The following LUC7L2 variants were observed in gnomAD, a reference collection of about 807,000 sequenced individuals.
The protein encoded by LUC7L2 is putative RNA-binding protein Luc7-like 2.
In LUC7L2, 25 loss-of-function variants were observed where a neutral mutation model predicts 52.8. That is an observed-to-expected ratio of 0.47 (90% CI 0.34 to 0.66). The LOEUF (loss-of-function observed/expected upper bound fraction) is 0.66. Ranked by LOEUF, LUC7L2 falls within the 30% of genes least tolerant of loss-of-function variation. The pLI is 0.01. For synonymous variants in LUC7L2, 144 were observed against 160.9 expected (o/e 0.89, Z 0.80); for missense variants, 328 against 497.8 (o/e 0.66, Z 3.25).
At chr7:139,367,226 C>T (rs925404202) in intron 1 of LUC7L2, among the ~76,000 whole-genome samples, 3 of 152,166 alleles carry the variant, frequency 2.0e-5, no homozygotes, top group African/African-American at 7.2e-5. Flanking sequence ...CCTGCCTTGG[C>T]CTCCCAAAGT....
At chr7:139,341,206 C>A in intron 1 of LUC7L2, 1 of 1,140,798 alleles carries the variant, frequency 8.8e-7, no homozygotes, top group Non-Finnish European at 1.2e-6. Context: ...TGTTACGGCG[C>A]CCCTGGGCCT....
At chr7:139,362,131 T>C (rs915782604) in intron 1 of LUC7L2, among the ~76,000 whole-genome samples, 1 of 152,080 alleles carries the variant, frequency 6.6e-6, no homozygotes, top group Non-Finnish European at 1.5e-5. Flanking sequence ...CCTTCAGACT[T>C]AGAGGATTTA....
intron 2 of LUC7L2, among the ~76,000 whole-genome samples, chr7:139,388,331 T>C (rs541658685): frequency 1.3e-5 from 2 of 152,152 alleles, no homozygotes; most frequent in Admixed American, 6.6e-5. Flanking sequence ...TAGAAAAATA[T>C]CATGATTTAT....
chr7:139,376,841 C>A (rs1489760869), intron 2 of LUC7L2, among the ~76,000 whole-genome samples: 1 of 152,188 alleles, frequency 6.6e-6, no homozygotes, highest in Non-Finnish European at 1.5e-5. Context: ...CTAGTAGGGG[C>A]TAAACCTCGA....
At chr7:139,402,348 C>T in intron 4 of LUC7L2, 101 bp downstream of exon 4, 1 of 1,159,564 alleles carries the variant, frequency 8.6e-7, no homozygotes, top group South Asian at 1.8e-5. Flanking sequence ...ATTGCAAAGA[C>T]ATATACAAGG....
chr7:139,367,764 A>T (rs10229249), intron 1 of LUC7L2, among the ~76,000 whole-genome samples: 58,525 of 152,088 alleles, frequency 0.38, 15,743 homozygotes, highest in African/African-American at 0.77. Context: ...GAGGTCCATC[A>T]AGACCTCCAG....
At chr7:139,417,859 A>G (rs1795695565) in intron 9 of LUC7L2, 130 bp downstream of exon 9, 5 of 1,257,270 alleles carry the variant, frequency 4.0e-6, no homozygotes, top group Non-Finnish European at 5.3e-6. Context: ...ATATGTACAC[A>G]TTTATGTGTG....
chr7:139,413,064 A>C (rs1795438971), intron 8 of LUC7L2, among the ~76,000 whole-genome samples: 1 of 152,166 alleles, frequency 6.6e-6, no homozygotes, highest in Non-Finnish European at 1.5e-5. Context: ...TCTTGACTTT[A>C]TGTGAGTTTA....
rs1165970967 is a variant in LUC7L2 at position 139,376,067 on chromosome 7, A to G, written c.67A>G (p.Thr23Ala). ...QLMGTSRDGD[T>A]TRQRIKFSDD... ...TTAACTCTTCTATATTACAGGAGATACAACTCGTCAACGAATCAAATTCAG... is the reference window on the plus strand; with the variant it reads ...TTAACTCTTCTATATTACAGGAGATGCAACTCGTCAACGAATCAAATTCAG... Residue 23 changes from threonine (T) to alanine (A), a missense_variant, in exon 2 of 10, where the codon ACA becomes GCA. This residue lies in a region of LUC7L2 where 133 missense variants were observed against 274.4 expected (regional missense o/e 0.48). Transcript: ENST00000354926. The G allele has an allele frequency of 6.2e-7, 1 of 1,613,780 alleles. No individual in the cohort carries two copies. The highest frequency in any genetic ancestry group is 8.5e-7 in the Non-Finnish European group (1 of 1,179,882).
intron 2 of LUC7L2, among the ~76,000 whole-genome samples, chr7:139,384,829 C>G (rs114006942): frequency 1.3e-3 from 204 of 152,162 alleles, no homozygotes; most frequent in African/African-American, 4.8e-3. Context: ...AATCATGGTG[C>G]AATACAGCCT....
intron 4 of LUC7L2, among the ~76,000 whole-genome samples, chr7:139,402,543 T>C (rs1794959140): frequency 6.6e-6 from 1 of 152,238 alleles, no homozygotes; most frequent in African/African-American, 2.4e-5. Context: ...TTCTTTTTGT[T>C]TGAGACAGAG....
Position 139,341,228 on chromosome 7 carries a change from G to T in LUC7L2, c.-26+711G>T, listed in dbSNP as rs1454764631. On this transcript the variant is annotated intron_variant, in intron 1 of 10. Transcript: ENST00000541170. Reference sequence around the variant, plus strand: ...GCGCCCCTGGGCCTTCGATTAATAAGGTTCGGTCAACGGACAAGTGAGCGG... The same window carrying T: ...GCGCCCCTGGGCCTTCGATTAATAATGTTCGGTCAACGGACAAGTGAGCGG... 4.5e-6 allele frequency: 6 copies of T among 1,328,794 alleles called. No individual in the cohort carries two copies. The Admixed American group carries it at 1.1e-4, about 24-fold the overall frequency. 82.3% of individuals were successfully genotyped at this position (1,328,794 alleles called of 1,614,324 possible).
intron 8 of LUC7L2, 108 bp from the exon 9 acceptor site, chr7:139,417,430 T>C (rs1795671038): frequency 2.2e-6 from 3 of 1,365,496 alleles, no homozygotes; most frequent in African/African-American, 1.5e-5. Flanking sequence ...TGGAATATAA[T>C]TGACATTAAG....
intron 1 of LUC7L2, among the ~76,000 whole-genome samples, chr7:139,354,145 G>C (rs1473648719): frequency 6.6e-6 from 1 of 152,110 alleles, no homozygotes; most frequent in Non-Finnish European, 1.5e-5. Flanking sequence ...TTACAAACAG[G>C]AGAACAAACT....
chr7:139,400,181 T>C (rs1794843616), intron 3 of LUC7L2, among the ~76,000 whole-genome samples: 1 of 152,114 alleles, frequency 6.6e-6, no homozygotes, highest in African/African-American at 2.4e-5. Flanking sequence ...TATCAGTCTT[T>C]AACAAATCTA....
At chr7:139,416,271 A>G (rs1312378593) in intron 8 of LUC7L2, 2 of 150,846 alleles carry the variant, frequency 1.3e-5, no homozygotes, top group Non-Finnish European at 3.0e-5. Flanking sequence ...CACCCTCACC[A>G]TGCACCCCCA....
At chr7:139,352,791 CTG>C (rs1370022348) in intron 1 of LUC7L2, among the ~76,000 whole-genome samples, 1 of 152,214 alleles carries the variant, frequency 6.6e-6, no homozygotes. Context: ...GAAAAGAAAT[CTG>C]TGTTGCTCTG....
At chr7:139,405,064 A>G (rs2131289628) in intron 4 of LUC7L2, among the ~76,000 whole-genome samples, 1 of 152,384 alleles carries the variant, frequency 6.6e-6, no homozygotes, top group South Asian at 2.1e-4. Flanking sequence ...AGGAACTGTC[A>G]AAAAAGATAC....
chr7:139,414,321 T>G (rs1343474671), intron 8 of LUC7L2, among the ~76,000 whole-genome samples: 2 of 152,238 alleles, frequency 1.3e-5, no homozygotes, highest in Non-Finnish European at 2.9e-5. Flanking sequence ...ATCTTTTGGC[T>G]TACCTGGGCC....
Sources: allele counts gnomAD v4.1 joint callset (sites outside exome capture counted in the v4.1 genomes callset), GRCh38; gene constraint gnomAD v4.1.1; regional missense constraint gnomAD v4.1.1; transcripts MANE v1.5; gene names NCBI Gene and HGNC (gene_info 2026-07-23, HGNC 2026-07-21).